The following SORCS1 variants were observed in gnomAD, a reference collection of about 807,000 sequenced individuals.
SORCS1 encodes VPS10 domain-containing receptor SorCS1.
A neutral mutation model predicts 146.1 loss-of-function variants in SORCS1; 60 were observed. The observed-to-expected ratio is 0.41, with a 90% CI of 0.33 to 0.51. The LOEUF (loss-of-function observed/expected upper bound fraction) is 0.51, where lower values mean the gene tolerates loss of function less well. Among genes scored for constraint, SORCS1 ranks in the 20% least tolerant of loss-of-function variants. SORCS1 has a pLI of 0.21. For synonymous variants in SORCS1, 637 were observed against 584.0 expected, an observed-to-expected ratio of 1.09 and a Z score of -1.31; for missense variants, 1,352 against 1,487.6, an observed-to-expected ratio of 0.91 and a Z score of 1.50.
intron 5 of SORCS1, among the ~76,000 whole-genome samples, chr10:106,751,132 A>T (rs967557445): frequency 1.2e-4 from 18 of 150,164 alleles, no homozygotes; most frequent in African/African-American, 3.9e-4. Context: ...AGCAGCATTC[A>T]TGTGGAGATC....
intron 1 of SORCS1, among the ~76,000 whole-genome samples, chr10:106,970,599 C>T (rs1230100366): frequency 6.6e-6 from 1 of 152,096 alleles, no homozygotes; most frequent in Non-Finnish European, 1.5e-5. Flanking sequence ...GCCTTGGCCT[C>T]CCAAGGTGCT....
intron 1 of SORCS1, among the ~76,000 whole-genome samples, chr10:107,000,265 T>C (rs1260706413): frequency 1.3e-5 from 2 of 152,018 alleles, no homozygotes; most frequent in Non-Finnish European, 2.9e-5. Context: ...CTCCCATCTT[T>C]CCCCCCAAAA....
Position 106,706,539 on chromosome 10 carries a change from C to A in SORCS1, c.1233+6G>T. 6.2e-7 allele frequency: 1 copy of A among 1,613,740 alleles called. No homozygotes were observed. Among genetic ancestry groups the A allele is most frequent in the East Asian group, 2.2e-5 (1 of 44,874 alleles). ...AGTGAAATGAAGAAAGTGATTTAGGCCATACCTTGGGCAAAGCATATTTCG... is the reference window on the plus strand; with the variant it reads ...AGTGAAATGAAGAAAGTGATTTAGGACATACCTTGGGCAAAGCATATTTCG... On this transcript the variant is annotated splice_donor_region_variant and intron_variant, in intron 8 of 25. Transcript: ENST00000263054.
chr10:106,999,981 T>C (rs889940146), intron 1 of SORCS1, among the ~76,000 whole-genome samples: 5 of 151,904 alleles, frequency 3.3e-5, no homozygotes, highest in Admixed American at 6.5e-5. Flanking sequence ...AGGGAAAGTT[T>C]GGGGTTTCTA....
At chr10:107,046,320 C>T (rs991247687) in intron 1 of SORCS1, among the ~76,000 whole-genome samples, 6 of 152,044 alleles carry the variant, frequency 3.9e-5, no homozygotes, top group African/African-American at 1.4e-4. Context: ...AATCCTTCTG[C>T]CTTGGCCTCT....
At chr10:106,763,306 T>C (rs981217873) in intron 4 of SORCS1, among the ~76,000 whole-genome samples, 1 of 152,162 alleles carries the variant, frequency 6.6e-6, no homozygotes, top group Non-Finnish European at 1.5e-5. Flanking sequence ...TTGTGGTTCT[T>C]TTTTTCTCTT....
At chr10:106,706,073 A>G (rs1854496852) in intron 8 of SORCS1, among the ~76,000 whole-genome samples, 1 of 152,186 alleles carries the variant, frequency 6.6e-6, no homozygotes, top group African/African-American at 2.4e-5. Context: ...CATCCAAAAA[A>G]TATTTTCTGT....
chr10:106,779,137 G>A (rs996777726), intron 3 of SORCS1, among the ~76,000 whole-genome samples: 3 of 152,068 alleles, frequency 2.0e-5, no homozygotes, highest in African/African-American at 7.2e-5. Flanking sequence ...TTGAAAATAG[G>A]CAGACCAAAA....
chr10:106,769,423 T>C (rs1355238046), intron 4 of SORCS1, among the ~76,000 whole-genome samples: 1 of 147,058 alleles, frequency 6.8e-6, no homozygotes, highest in Non-Finnish European at 1.5e-5. Context: ...AGGCGGAGGT[T>C]ACAGTGAGCT....
chr10:106,579,133 G>A (rs758761446), intron 25 of SORCS1: 4 of 1,614,074 alleles, frequency 2.5e-6, no homozygotes, highest in South Asian at 2.2e-5. Flanking sequence ...AGCTGGCCAG[G>A]CCTCCTTAGT....
intron 3 of SORCS1, among the ~76,000 whole-genome samples, chr10:106,796,273 A>G (rs368447190): frequency 1.6e-3 from 247 of 152,298 alleles, no homozygotes; most frequent in African/African-American, 5.5e-3. Context: ...ATCAAGGTAA[A>G]CCTAGGGTGC....
At chr10:107,024,180 A>T (rs1958286023) in intron 1 of SORCS1, among the ~76,000 whole-genome samples, 1 of 151,606 alleles carries the variant, frequency 6.6e-6, no homozygotes, top group Non-Finnish European at 1.5e-5. Context: ...TCTCAAAAAA[A>T]AAAAAAAAAA....
At chr10:106,978,880 T>C (rs1250089137) in intron 1 of SORCS1, among the ~76,000 whole-genome samples, 1 of 152,038 alleles carries the variant, frequency 6.6e-6, no homozygotes. Context: ...AATGCTGCAG[T>C]TGTATCACAA....
At chr10:106,836,736 T>TAA (rs201637122) in intron 2 of SORCS1, among the ~76,000 whole-genome samples, 1 of 130,520 alleles carries the variant, frequency 7.7e-6, no homozygotes, top group Admixed American at 7.6e-5. Flanking sequence ...ATTGATTAAA[T>TAA]AAAAAAAAAA....
chr10:106,675,782 G>A (rs959126164), intron 13 of SORCS1, among the ~76,000 whole-genome samples: 1 of 152,130 alleles, frequency 6.6e-6, no homozygotes, highest in African/African-American at 2.4e-5. Context: ...TGGAGACCTT[G>A]GGAGGTGATT....
chr10:106,788,973 A>G (rs1293206867), intron 3 of SORCS1, among the ~76,000 whole-genome samples: 1 of 152,190 alleles, frequency 6.6e-6, no homozygotes, highest in Non-Finnish European at 1.5e-5. Context: ...AGGCATTTCC[A>G]TACATCCTCT....
intron 5 of SORCS1, among the ~76,000 whole-genome samples, chr10:106,752,131 C>A (rs190934598): frequency 6.6e-6 from 1 of 152,248 alleles, no homozygotes; most frequent in East Asian, 1.9e-4. Context: ...GAAATTTACA[C>A]CTGAATATGT....
At chr10:107,106,399 C>G (rs1965307284) in intron 1 of SORCS1, among the ~76,000 whole-genome samples, 1 of 152,174 alleles carries the variant, frequency 6.6e-6, no homozygotes, top group Admixed American at 6.5e-5. Flanking sequence ...ATGTTATGAA[C>G]AGATGAGTAT....
chr10:107,012,928 C>T (rs558038534), intron 1 of SORCS1, among the ~76,000 whole-genome samples: 1 of 152,266 alleles, frequency 6.6e-6, no homozygotes, highest in East Asian at 1.9e-4. Flanking sequence ...ATGTCTGCAC[C>T]TGTCTCTTCC....
Sources: gnomAD v4.1 joint callset for allele counts (sites outside exome capture counted in the v4.1 genomes callset) on GRCh38, gnomAD v4.1.1 for gene constraint, MANE v1.5 for transcripts, NCBI Gene and HGNC (gene_info 2026-07-23, HGNC 2026-07-21) for gene names.